MUCL3: variants seen among roughly 807,000 people sequenced by gnomAD.
The protein encoded by MUCL3 is mucin-like protein 3.
MUCL3 carries 42 observed loss-of-function variants against 70.2 expected under a neutral mutation model. The observed-to-expected ratio is 0.60, with a 90% CI of 0.47 to 0.77. MUCL3 has a LOEUF of 0.77. Among genes scored for constraint, MUCL3 ranks in the 30% least tolerant of loss-of-function variants. The pLI, the probability that MUCL3 is intolerant of heterozygous loss-of-function variation, is 0.00. For missense variants in MUCL3, 1,429 were observed against 1,670.0 expected, an observed-to-expected ratio of 0.86 and a Z score of 2.52; for synonymous variants, 522 against 647.0, an observed-to-expected ratio of 0.81 and a Z score of 2.93.
At chr6:30,945,968 C>A (rs1795761612) in intron 1 of MUCL3, 2 of 152,066 alleles carry the variant, frequency 1.3e-5, no homozygotes, top group Admixed American at 1.3e-4. Context: ...AACAAACAAA[C>A]AAAAAAAGCC....
intron 1 of MUCL3, chr6:30,946,192 G>A (rs570938962): frequency 6.6e-6 from 1 of 152,388 alleles, no homozygotes; most frequent in Non-Finnish European, 1.5e-5. Context: ...GGCAAAGCAC[G>A]AGATTATTTC....
In MUCL3 at chr6:30,945,551, G is replaced by A. The variant is rs1469003617; in HGVS notation, c.83-2996G>A. Among the ~76,000 whole-genome samples the A allele has an allele frequency of 3.3e-5, 5 of 152,006 alleles. No individual in the cohort carries two copies. In the East Asian group the frequency reaches 9.6e-4, roughly 29 times the overall value. On this transcript the variant is annotated intron_variant, in intron 1 of 2. Coordinates refer to ENST00000462446, the MANE Select transcript of MUCL3 (RefSeq NM_080870.4). ...AGTCCCAGCTGACAGGGAGGCTGAG[G>A]TGGGGGTACTGCTTGAGCCCAGGAG...
chr6:30,949,547 T>A lies in MUCL3; in HGVS notation c.1083T>A (p.Pro361=), dbSNP rs1760500656. The change falls in exon 2 of 3, where the codon CCT becomes CCA. Residue 361 remains proline (P), a synonymous_variant. Transcript: ENST00000462446. ...ATACCACACTATTCCCAGCAGAGCC[T>A]ACAGAACATGGAGAAAGGACAGCCA... ...NENTTLFPAE[P]TEHGERTANE... is the part of the protein sequence containing the mutation. 6.5e-7 allele frequency: 1 copy of A among 1,548,376 alleles called. No homozygotes were observed. The highest frequency in any genetic ancestry group is 1.4e-5 in the African/African-American group (1 of 71,534).
intron 1 of MUCL3, among the ~76,000 whole-genome samples, 186 bp downstream of exon 1, chr6:30,941,267 G>A (rs1450292864): frequency 1.3e-5 from 2 of 152,168 alleles, no homozygotes; most frequent in Non-Finnish European, 2.9e-5. Flanking sequence ...TCCAGCCTGT[G>A]CTCTGCTCTT....
chr6:30,942,333 G>T (rs1219342237), intron 1 of MUCL3, among the ~76,000 whole-genome samples: 3 of 152,164 alleles, frequency 2.0e-5, no homozygotes, highest in Non-Finnish European at 2.9e-5. Context: ...CTGAACACAG[G>T]GGCGGTGTGG....
intron 2 of MUCL3, 40 bp from the exon 3 acceptor site, chr6:30,952,931 G>A (rs774632679): frequency 6.8e-6 from 11 of 1,607,418 alleles, no homozygotes; most frequent in South Asian, 2.2e-5. Context: ...AAAACAAATC[G>A]CAGATGGTTC....
Position 30,951,933 on chromosome 6 carries a change from G to A in MUCL3, c.3469G>A (p.Glu1157Lys), listed in dbSNP as rs140272417. ...KHAKRTTLAH[E>K]KMTQVTEKST... is the part of the protein sequence containing the mutation. The stretch of plus-strand genomic sequence containing the variant: ...TGCAAAAAGGACCACATTGGCCCAT[G>A]AGAAGATGACACAAGTCACAGAAAA... Residue 1157 changes from glutamate (E) to lysine (K), a missense_variant, in exon 2 of 3, where the codon GAG becomes AAG. Coordinates refer to ENST00000462446, the MANE Select transcript of MUCL3 (RefSeq NM_080870.4). 6.2e-7 allele frequency: 1 copy of A among 1,613,116 alleles called. No homozygotes were observed. Among genetic ancestry groups the A allele is most frequent in the Admixed American group, 1.7e-5 (1 of 59,720 alleles).
chr6:30,952,175 A>G lies in MUCL3; in HGVS notation c.3711A>G (p.Ala1237=). 6.2e-7 allele frequency: 1 copy of G among 1,614,168 alleles called. No homozygotes were observed. The highest frequency in any genetic ancestry group is 8.5e-7 in the Non-Finnish European group (1 of 1,180,038). Reference sequence around the variant, plus strand: ...CAGAAAACCCAGAAAAAACAGCAGCAGTCACAAAGACTATAAAACCTTCAG... The same window carrying G: ...CAGAAAACCCAGAAAAAACAGCAGCGGTCACAAAGACTATAAAACCTTCAG... ...KSTENPEKTA[A]VTKTIKPSVK... Residue 1237 remains alanine, a synonymous_variant, in exon 2 of 3, where the codon GCA becomes GCG. Coordinates refer to ENST00000462446, the MANE Select transcript of MUCL3 (RefSeq NM_080870.4).
chr6:30,950,131 C>A lies in MUCL3; in HGVS notation c.1667C>A (p.Pro556Gln), dbSNP rs765982818. 6.4e-6 allele frequency: 10 copies of A among 1,551,054 alleles called. No homozygotes were observed. The African/African-American group carries it at 1.2e-4, about 19-fold the overall frequency. ...GCCAATGAGAAGACCACACCATCCC[C>A]AGCAGAGCCTACAGAAAATGGAGAC... ...RTANEKTTPSPAEPTENGDRT... is the reference protein window; with the variant it reads ...RTANEKTTPSQAEPTENGDRT... The change falls in exon 2 of 3, where the codon CCA becomes CAA. Residue 556 changes from proline to glutamine, a missense_variant. By Grantham distance (76) the Pro-to-Gln change is moderately conservative. Transcript: ENST00000462446.
intron 1 of MUCL3, among the ~76,000 whole-genome samples, chr6:30,942,693 C>T (rs891118891): frequency 1.6e-4 from 24 of 152,342 alleles, no homozygotes; most frequent in African/African-American, 5.8e-4. Flanking sequence ...CCCGCCTTTC[C>T]TTCCCCTTCC....
chr6:30,941,293 A>G (rs899374491), intron 1 of MUCL3, among the ~76,000 whole-genome samples: 6 of 152,150 alleles, frequency 3.9e-5, no homozygotes, highest in Non-Finnish European at 5.9e-5. Flanking sequence ...CATGGCTCAC[A>G]GGGCTGCACC....
At position 30,951,935 on chromosome 6, in the gene MUCL3, G is replaced by A; in HGVS notation, c.3471G>A (p.Glu1157=). The A allele has an allele frequency of 8.1e-6, 13 of 1,612,926 alleles. No homozygotes were observed. Among genetic ancestry groups the A allele is most frequent in the Non-Finnish European group, 1.1e-5 (13 of 1,179,754 alleles). Residue 1157 remains glutamate (E), a synonymous_variant, in exon 2 of 3, where the codon GAG becomes GAA. Coordinates refer to ENST00000462446, the MANE Select transcript of MUCL3 (RefSeq NM_080870.4). ...CAAAAAGGACCACATTGGCCCATGA[G>A]AAGATGACACAAGTCACAGAAAAGT... ...KHAKRTTLAH[E]KMTQVTEKST... is the part of the protein sequence containing the mutation.
chr6:30,949,785 C>T lies in MUCL3; in HGVS notation c.1321C>T (p.Pro441Ser). ...GAACACCACACCATCCCCAGCAGAG[C>T]CTACAGAAAATAGAGAAAGGACAGC... is the stretch of plus-strand genomic sequence containing the variant. The part of the protein sequence containing the change: ...NENTTPSPAE[P>S]TENRERTANE... The change falls in exon 2 of 3, where the codon CCT becomes TCT. Residue 441 changes from proline (P) to serine (S), a missense_variant. Physicochemically the swap from Pro to Ser is moderately conservative, Grantham distance 74. Coordinates refer to ENST00000462446, the MANE Select transcript of MUCL3 (RefSeq NM_080870.4). 2 of 1,550,144 alleles carry T rather than the reference C, an allele frequency of 1.3e-6. No homozygotes were observed. The highest frequency in any genetic ancestry group is 1.4e-5 in the African/African-American group (1 of 72,486).
rs564525731 is a variant in MUCL3 at position 30,948,850 on chromosome 6, G to T, written c.386G>T (p.Gly129Val). The stretch of plus-strand genomic sequence containing the variant: ...TCTGAAGAAAACTCCAGCAACCAAG[G>T]GAAAGACCCAATGATCCGGAACCAG... ...PTSEENSSNQGKDPMIRNQRS... is the reference protein window; with the variant it reads ...PTSEENSSNQVKDPMIRNQRS... The change falls in exon 2 of 3, where the codon GGG becomes GTG. Residue 129 changes from glycine (G) to valine (V), a missense_variant. By Grantham distance (109) the Gly-to-Val change is moderately radical (BLOSUM62 -3). Transcript: ENST00000462446. 2.9e-4 allele frequency: 455 copies of T among 1,551,424 alleles called. No individual in the cohort carries two copies. The highest frequency in any genetic ancestry group is 3.9e-4 in the Non-Finnish European group (442 of 1,146,992).
chr6:30,944,940 C>A (rs1795724287), intron 1 of MUCL3, among the ~76,000 whole-genome samples: 1 of 152,226 alleles, frequency 6.6e-6, no homozygotes, highest in African/African-American at 2.4e-5. Flanking sequence ...AGCTTTACCT[C>A]AGCTTTTTAC....
Position 30,953,240 on chromosome 6 carries a change from T to C in MUCL3, c.*123T>C. The C allele has an allele frequency of 2.2e-6, 3 of 1,388,948 alleles. No homozygotes were observed. Among genetic ancestry groups the C allele is most frequent in the Non-Finnish European group, 2.9e-6 (3 of 1,046,358 alleles). 86.0% of individuals were successfully genotyped at this position (1,388,948 alleles called of 1,614,324 possible). On this transcript the variant is annotated 3_prime_UTR_variant, in exon 3 of 3. Coordinates refer to ENST00000462446, the MANE Select transcript of MUCL3 (RefSeq NM_080870.4). Reference sequence around the variant, plus strand: ...GGCAGAGAATACTGACGGTTACCAGTATTAACCCTTCATCTGTTCTTGAAA... The same window carrying C: ...GGCAGAGAATACTGACGGTTACCAGCATTAACCCTTCATCTGTTCTTGAAA...
intron 1 of MUCL3, among the ~76,000 whole-genome samples, chr6:30,948,062 T>C (rs1387541337): frequency 6.6e-6 from 1 of 152,202 alleles, no homozygotes; most frequent in Non-Finnish European, 1.5e-5. Flanking sequence ...GAAAGAAGAC[T>C]CCATTCCATA....
chr6:30,943,373 A>G (rs1795656922), intron 1 of MUCL3, among the ~76,000 whole-genome samples: 1 of 152,210 alleles, frequency 6.6e-6, no homozygotes, highest in African/African-American at 2.4e-5. Context: ...AGTCTAGATT[A>G]AAGCATCTGA....
chr6:30,942,824 A>C (rs1795634070), intron 1 of MUCL3, among the ~76,000 whole-genome samples: 1 of 152,066 alleles, frequency 6.6e-6, no homozygotes, highest in Non-Finnish European at 1.5e-5. Flanking sequence ...GATTTGCTTC[A>C]GGGCGGAGAT....
Sources: allele counts gnomAD v4.1 joint callset (sites outside exome capture counted in the v4.1 genomes callset), GRCh38; gene constraint gnomAD v4.1.1; transcripts MANE v1.5; gene names NCBI Gene and HGNC (gene_info 2026-07-23, HGNC 2026-07-21).